TAF5L: variants seen among roughly 807,000 people sequenced by gnomAD.
The protein encoded by TAF5L is TATA-box binding protein associated factor 5 like.
Under a neutral mutation model 51.3 loss-of-function variants are expected in TAF5L, and 7 were observed. The ratio of observed to expected loss-of-function variants is 0.14; its 90% CI spans 0.08 to 0.26. The LOEUF is 0.26. Ranked by LOEUF, TAF5L falls within the 10% of genes least tolerant of loss-of-function variation. TAF5L has a pLI of 1.00. For synonymous variants in TAF5L, 291 were observed against 308.1 expected, an observed-to-expected ratio of 0.94 and a Z score of 0.58; for missense variants, 575 against 758.9, an observed-to-expected ratio of 0.76 and a Z score of 2.85.
At chr1:229,612,992 T>C (rs1287688467) in intron 2 of TAF5L, among the ~76,000 whole-genome samples, 1 of 151,504 alleles carries the variant, frequency 6.6e-6, no homozygotes, top group Non-Finnish European at 1.5e-5. Context: ...CCAGCAATTT[T>C]TTTCCCCCAG....
At chr1:229,617,710 T>G (rs184198610) in intron 1 of TAF5L, among the ~76,000 whole-genome samples, 83 of 152,284 alleles carry the variant, frequency 5.5e-4, no homozygotes, top group African/African-American at 1.9e-3. Flanking sequence ...AGGGAAAAGA[T>G]GTGAAGTTAG....
At chr1:229,611,725 CT>C (rs751300049) in intron 2 of TAF5L, among the ~76,000 whole-genome samples, 1 of 152,190 alleles carries the variant, frequency 6.6e-6, no homozygotes, top group Non-Finnish European at 1.5e-5. Flanking sequence ...CGTCTTTTAA[CT>C]AGTTTCCTCG....
In TAF5L at chr1:229,602,916, G is replaced by T; in HGVS notation, c.251C>A (p.Ser84Tyr). Residue 84 changes from serine to tyrosine, a missense_variant, in exon 4 of 5, where the codon TCT becomes TAT. By Grantham distance (144) the Ser-to-Tyr change is moderately radical. This residue lies in a region of TAF5L where 380 missense variants were observed against 443.7 expected (regional missense o/e 0.86). Transcript: ENST00000258281. The surrounding 1 kb of genome is among the most constrained non-coding windows in gnomAD (Gnocchi z 4.6). ...CACTTCGTGGCTATGCTGGGAATCAGAATCTATAATGAAAGAAAAAGAAGG... is the reference window on the plus strand; with the variant it reads ...CACTTCGTGGCTATGCTGGGAATCATAATCTATAATGAAAGAAAAAGAAGG... The T allele has an allele frequency of 6.3e-7, 1 of 1,589,080 alleles. No individual in the cohort carries two copies. Among genetic ancestry groups the T allele is most frequent in the Admixed American group, 1.7e-5 (1 of 57,394 alleles).
chr1:229,614,131 G>C, intron 2 of TAF5L: 1 of 758,294 alleles, frequency 1.3e-6, no homozygotes, highest in South Asian at 1.6e-5. Context: ...GAATCACAGA[G>C]GTTATCAGAA....
At chr1:229,600,111 A>G in intron 4 of TAF5L, 1 of 983,260 alleles carries the variant, frequency 1.0e-6, no homozygotes, top group Non-Finnish European at 1.2e-6. Context: ...GCATTCTATA[A>G]GGGAAAAAGA....
upstream of TAF5L, chr1:229,626,061 G>A (rs1665453498): frequency 6.6e-6 from 1 of 151,354 alleles, no homozygotes; most frequent in African/African-American, 2.4e-5. Flanking sequence ...ATGACTGACT[G>A]ACACGGAGCG....
chr1:229,596,036 G>A (rs936851755), intron 4 of TAF5L, among the ~76,000 whole-genome samples: 1 of 152,216 alleles, frequency 6.6e-6, no homozygotes, highest in Admixed American at 6.5e-5. Context: ...CAGTTTGGGA[G>A]GCCAAGGCAG....
intron 1 of TAF5L, among the ~76,000 whole-genome samples, chr1:229,624,462 C>T (rs1323562998): frequency 6.6e-6 from 1 of 152,068 alleles, no homozygotes; most frequent in African/African-American, 2.4e-5. Flanking sequence ...AAAAAGGAAA[C>T]GATAATAGCT....
In TAF5L at chr1:229,619,039, ATTTATG is replaced by A. The variant is rs915442786; in HGVS notation, c.-3-4560_-3-4555del. ...AATTGTATCTTTTTTCCAATGGCAA[ATTTATG>A]TTTATAACAGAAGAAAAAAATTATT... is the stretch of plus-strand genomic sequence containing the variant. On this transcript the variant is annotated intron_variant, in intron 1 of 4. Coordinates refer to ENST00000258281, the Ensembl canonical transcript of TAF5L. Among the ~76,000 whole-genome samples the A allele has an allele frequency of 3.3e-5, 5 of 152,306 alleles. No homozygotes were observed. In the South Asian group the frequency reaches 8.3e-4, roughly 25 times the overall value.
chr1:229,615,386 C>T (rs1296065289), intron 1 of TAF5L, among the ~76,000 whole-genome samples: 2 of 152,114 alleles, frequency 1.3e-5, no homozygotes, highest in East Asian at 1.9e-4. Flanking sequence ...CGCGCCTGGC[C>T]GTGTTTTCAT....
intron 3 of TAF5L, among the ~76,000 whole-genome samples, chr1:229,605,128 A>ATATATATATATATATATATATTTTT (rs1340196774): frequency 6.9e-5 from 10 of 145,164 alleles, no homozygotes; most frequent in African/African-American, 2.6e-4. Flanking sequence ...ATATATATGT[A>ATATATATATATATATATATATTTTT]TTTTTTTTTT....
intron 4 of TAF5L, among the ~76,000 whole-genome samples, chr1:229,597,798 G>A (rs1410130725): frequency 6.6e-6 from 1 of 152,206 alleles, no homozygotes; most frequent in Non-Finnish European, 1.5e-5. Flanking sequence ...AAGAGATCAA[G>A]TATCATCTCA....
rs542153571 is a variant in TAF5L at position 229,603,569 on chromosome 1, T to G, written c.248-650A>C. Among the ~76,000 whole-genome samples the G allele has an allele frequency of 1.2e-4, 18 of 152,360 alleles. No homozygotes were observed. The East Asian group carries it at 3.3e-3, about 28-fold the overall frequency. On this transcript the variant is annotated intron_variant, in intron 3 of 4. Coordinates refer to ENST00000258281, the Ensembl canonical transcript of TAF5L. ...CCTGTGTTAACATGACAGCCTTCAT[T>G]AACAATTGTCTCATCAGCATATTCA...
intron 1 of TAF5L, among the ~76,000 whole-genome samples, chr1:229,619,350 C>T (rs1665122350): frequency 6.6e-6 from 1 of 152,154 alleles, no homozygotes; most frequent in African/African-American, 2.4e-5. Flanking sequence ...CTCAGACTGA[C>T]ATAAATACAC....
intron 3 of TAF5L, chr1:229,606,908 AGACAT>A: frequency 2.0e-6 from 2 of 985,448 alleles, no homozygotes; most frequent in Non-Finnish European, 2.4e-6. Flanking sequence ...AGGTGGATAT[AGACAT>A]AGATACTCTT....
chr1:229,622,611 GTCTT>G (rs1468696896), intron 1 of TAF5L, among the ~76,000 whole-genome samples: 3 of 152,040 alleles, frequency 2.0e-5, no homozygotes, highest in Non-Finnish European at 4.4e-5. Context: ...AAAAATAAAA[GTCTT>G]TCTTTTTAAT....
At chr1:229,605,311 G>A (rs1571839594) in intron 3 of TAF5L, among the ~76,000 whole-genome samples, 1 of 152,042 alleles carries the variant, frequency 6.6e-6, no homozygotes, top group Admixed American at 6.5e-5. Flanking sequence ...TTACCTCACC[G>A]TATCAAAATT....
In TAF5L at chr1:229,625,382, C is replaced by T. The variant is rs114795801; in HGVS notation, c.-4+503G>A. On this transcript the variant is annotated intron_variant, in intron 1 of 4. Transcript: ENST00000258281. The surrounding 1 kb of genome is among the most constrained non-coding windows in gnomAD (Gnocchi z 4.0). ...GCAGCTAGTCTAACTCTGGCTCCCC[C>T]GTGTCACACGCGGAGATCGACTCCA... Among the ~76,000 whole-genome samples the T allele has an allele frequency of 7.4e-3, 1,130 of 152,254 alleles. 12 individuals carry two copies. Among genetic ancestry groups the T allele is most frequent in the African/African-American group, 0.026 (1,072 of 41,558 alleles).
At chr1:229,599,477 C>G (rs553694629) in intron 4 of TAF5L, 1 of 155,780 alleles carries the variant, frequency 6.4e-6, no homozygotes, top group African/African-American at 2.4e-5. Context: ...AACCACTCCT[C>G]TCCTCTCTGT....
Sources: gnomAD v4.1 joint callset for allele counts (sites outside exome capture counted in the v4.1 genomes callset) on GRCh38, gnomAD v4.1.1 for gene constraint, gnomAD v4.1.1 regional missense constraint, Gnocchi (gnomAD v3.1) non-coding constraint, MANE v1.5 for transcripts, NCBI Gene and HGNC (gene_info 2026-07-23, HGNC 2026-07-21) for gene names.